Variants in PTPN14 observed in about 807,000 individuals in gnomAD.
The protein encoded by PTPN14 is protein tyrosine phosphatase non-receptor type 14.
Under a neutral mutation model 126.8 loss-of-function variants are expected in PTPN14, and 53 were observed. That is an observed-to-expected ratio of 0.42 (90% CI 0.34 to 0.53). The LOEUF is 0.53. Among genes scored for constraint, PTPN14 ranks in the 20% least tolerant of loss-of-function variants. PTPN14 has a pLI of 0.08. For missense variants in PTPN14, 1,257 were observed against 1,552.9 expected, an observed-to-expected ratio of 0.81 and a Z score of 3.20; for synonymous variants, 630 against 599.3, an observed-to-expected ratio of 1.05 and a Z score of -0.75.
At chr1:214,362,583 A>T (rs916285169) in intron 18 of PTPN14, among the ~76,000 whole-genome samples, 1 of 152,242 alleles carries the variant, frequency 6.6e-6, no homozygotes, top group East Asian at 1.9e-4. Flanking sequence ...CCCCCATGTC[A>T]TTGCCTCACT....
intron 2 of PTPN14, among the ~76,000 whole-genome samples, chr1:214,460,780 T>G (rs1445184381): frequency 6.6e-6 from 1 of 152,218 alleles, no homozygotes; most frequent in Non-Finnish European, 1.5e-5. Flanking sequence ...CTATCTGGTT[T>G]CTGGGAGCAG....
chr1:214,520,065 A>AAAAAAAAAAAAAAAT, intron 1 of PTPN14, among the ~76,000 whole-genome samples: 8 of 71,142 alleles, frequency 1.1e-4, no homozygotes, highest in Admixed American at 1.6e-4. Flanking sequence ...AAAAAAAAAA[A>AAAAAAAAAAAAAAAT]ATATATATAT....
intron 1 of PTPN14, among the ~76,000 whole-genome samples, chr1:214,466,608 T>C (rs1333483269): frequency 1.3e-5 from 2 of 152,172 alleles, no homozygotes; most frequent in Non-Finnish European, 2.9e-5. Flanking sequence ...ATTAAACTTG[T>C]CTTTCAAAGA....
At position 214,444,859 on chromosome 1, in the gene PTPN14, G is replaced by A. The variant is rs1299728991; in HGVS notation, c.344+6946C>T. ...CCCAAATACGTAACTGGAAAAAGGGGACCCCCATCATAGTTTAAAAATGCA... is the reference window on the plus strand; with the variant it reads ...CCCAAATACGTAACTGGAAAAAGGGAACCCCCATCATAGTTTAAAAATGCA... On this transcript the variant is annotated intron_variant, in intron 3 of 18. Transcript: ENST00000366956. Among the ~76,000 whole-genome samples, 3 of 152,092 alleles carry A rather than the reference G, an allele frequency of 2.0e-5. No homozygotes were observed. In the East Asian group the frequency reaches 5.8e-4, roughly 29 times the overall value.
At chr1:214,483,464 C>T (rs1661047875) in intron 1 of PTPN14, 1 of 928,098 alleles carries the variant, frequency 1.1e-6, no homozygotes, top group Non-Finnish European at 1.7e-6. Context: ...AGTAATCTTG[C>T]CTGCGACCCT....
At chr1:214,411,833 A>C in intron 4 of PTPN14, 82 bp from the exon 5 acceptor site, 1 of 771,784 alleles carries the variant, frequency 1.3e-6, no homozygotes, top group Non-Finnish European at 2.1e-6. Context: ...TCATCACTAC[A>C]TTATTCTTCA....
chr1:214,392,688 CCTT>C (rs1319301879), intron 10 of PTPN14, among the ~76,000 whole-genome samples: 4 of 152,124 alleles, frequency 2.6e-5, no homozygotes, highest in Admixed American at 6.6e-5. Flanking sequence ...CCCGATCAGG[CCTT>C]CTTCTGATTC....
In PTPN14 at chr1:214,369,455, A is replaced by G; in HGVS notation, c.3271+2T>C. ...TAGCAGACTGGGAAGAAAAACACTT[A>G]CATAAAAATCCTTGGACATCTTCTG... is the stretch of plus-strand genomic sequence containing the variant. On this transcript the variant is annotated splice_donor_variant, in intron 17 of 18. Transcript: ENST00000366956. LOFTEE classifies it high-confidence loss of function. 1 of 1,611,210 alleles carries G rather than the reference A, an allele frequency of 6.2e-7. No individual in the cohort carries two copies. Among genetic ancestry groups the G allele is most frequent in the Non-Finnish European group, 8.5e-7 (1 of 1,177,322 alleles).
chr1:214,385,315 G>A (rs3013445), intron 12 of PTPN14, among the ~76,000 whole-genome samples: 18,173 of 152,128 alleles, frequency 0.12, 1,203 homozygotes, highest in South Asian at 0.17. Context: ...CAGGGTGTCC[G>A]CACAGCTAGT....
At chr1:214,483,435 G>A (rs1324302302) in intron 1 of PTPN14, 15 of 1,210,760 alleles carry the variant, frequency 1.2e-5, no homozygotes, top group Middle Eastern at 2.6e-4. Flanking sequence ...GGGCGGGAGC[G>A]GGCGCACAAG....
At chr1:214,451,706 C>A (rs1465940976) in intron 3 of PTPN14, 99 bp downstream of exon 3, 4 of 1,391,430 alleles carry the variant, frequency 2.9e-6, no homozygotes, top group East Asian at 2.4e-5. Context: ...CCCGCACCCA[C>A]ACCCACACAC....
chr1:214,507,897 A>G (rs7539678), intron 1 of PTPN14, among the ~76,000 whole-genome samples: 4,659 of 152,252 alleles, frequency 0.031, 121 homozygotes, highest in African/African-American at 0.072. Flanking sequence ...GGAAGGATCC[A>G]TTGAGCCCAG....
chr1:214,380,953 G>C (rs1658458295), intron 13 of PTPN14, among the ~76,000 whole-genome samples: 1 of 152,094 alleles, frequency 6.6e-6, no homozygotes, highest in East Asian at 1.9e-4. Context: ...GAGCTCCTGA[G>C]TGTAGCAGAT....
intron 1 of PTPN14, among the ~76,000 whole-genome samples, chr1:214,465,485 A>C (rs182530618): frequency 9.9e-4 from 151 of 152,196 alleles, no homozygotes; most frequent in African/African-American, 3.5e-3. Context: ...GCCAGGCATG[A>C]TGGCGTGTGC....
chr1:214,359,032 C>A (rs980453457), intron 18 of PTPN14, among the ~76,000 whole-genome samples: 2 of 151,960 alleles, frequency 1.3e-5, no homozygotes, highest in Admixed American at 6.6e-5. Flanking sequence ...GCGTGAGCCA[C>A]CCCGCCTGAC....
At position 214,383,904 on chromosome 1, in the gene PTPN14, G is replaced by C; in HGVS notation, c.1951C>G (p.Arg651Gly). Residue 651 changes from arginine (R) to glycine (G), a missense_variant, in exon 13 of 19, where the codon CGG (arginine) becomes GGG (glycine). By Grantham distance (125) the Arg-to-Gly change is moderately radical. Around this residue, in one of 3 missense-constraint regions of PTPN14, gnomAD observed 1,021 missense variants for 1,183.3 expected, o/e 0.86. Coordinates refer to ENST00000366956, the MANE Select transcript of PTPN14 (RefSeq NM_005401.5). This position sits in a 1 kb window ranked among gnomAD's most constrained non-coding sequence, Gnocchi z 4.4. ...HSLEVMNSMV[R>G]GMEAMTLKSL... ...TTGAGCGTCATGGCCTCCATGCCCC[G>C]CACCATGCTGTTCATCACCTCCAGG... is the stretch of plus-strand genomic sequence containing the variant. 1 of 1,613,274 alleles carries C rather than the reference G, an allele frequency of 6.2e-7. No homozygotes were observed. The highest frequency in any genetic ancestry group is 8.5e-7 in the Non-Finnish European group (1 of 1,180,000).
chr1:214,415,336 C>T (rs1246303799), intron 3 of PTPN14, among the ~76,000 whole-genome samples: 3 of 152,202 alleles, frequency 2.0e-5, no homozygotes, highest in African/African-American at 2.4e-5. Flanking sequence ...TCAGACTAGA[C>T]AAGTGCCCTC....
At chr1:214,405,724 A>G (rs542893302) in intron 5 of PTPN14, among the ~76,000 whole-genome samples, 1 of 152,326 alleles carries the variant, frequency 6.6e-6, no homozygotes, top group African/African-American at 2.4e-5. Context: ...TAATATGACA[A>G]CTAAATAAAC....
chr1:214,409,984 T>A (rs1007998684), intron 5 of PTPN14, among the ~76,000 whole-genome samples: 7 of 152,184 alleles, frequency 4.6e-5, no homozygotes, highest in African/African-American at 1.7e-4. Flanking sequence ...CCCTTGACCA[T>A]TTTTTTAATA....
Sources: gnomAD v4.1 joint callset for allele counts (sites outside exome capture counted in the v4.1 genomes callset) on GRCh38, gnomAD v4.1.1 for gene constraint, gnomAD v4.1.1 regional missense constraint, Gnocchi (gnomAD v3.1) non-coding constraint, MANE v1.5 for transcripts, NCBI Gene and HGNC (gene_info 2026-07-23, HGNC 2026-07-21) for gene names.